Variants in MKKS observed in about 807,000 individuals in gnomAD.
MKKS encodes the protein MKKS centrosomal shuttling protein.
MKKS carries 29 observed loss-of-function variants against 33.2 expected under a neutral mutation model. The observed-to-expected ratio is 0.87, with a 90% confidence interval of 0.65 to 1.19. The LOEUF (loss-of-function observed/expected upper bound fraction) is 1.19. Among genes scored for constraint, MKKS ranks in the 50% most tolerant of loss-of-function variants. The pLI, the probability that MKKS is intolerant of heterozygous loss-of-function variation, is 0.00. For missense variants in MKKS, 661 were observed against 662.3 expected (o/e 1.00, Z 0.02); for synonymous variants, 260 against 244.0 (o/e 1.07, Z -0.61).
chr20:10,412,681 G>C lies in MKKS; in HGVS notation c.834C>G (p.Asn278Lys), dbSNP rs575896442. Residue 278 changes from asparagine to lysine, a missense_variant, in exon 3 of 6, where the codon AAC (asparagine) becomes AAG (lysine). Transcript: ENST00000347364. ...LENAVLDQLL[N>K]LGRQLISDHV... Reference sequence around the variant, plus strand: ...GGTCACTGATTAGCTGCCTTCCTAGGTTAAGCAGCTGGTCCAAGACTGCAT... The same window carrying C: ...GGTCACTGATTAGCTGCCTTCCTAGCTTAAGCAGCTGGTCCAAGACTGCAT... 6.2e-6 allele frequency: 10 copies of C among 1,614,152 alleles called. No individual in the cohort carries two copies. Among genetic ancestry groups the C allele is most frequent in the Non-Finnish European group, 1.7e-6 (2 of 1,180,026 alleles).
chr20:10,423,699 A>C (rs536021607), intron 1 of MKKS, among the ~76,000 whole-genome samples: 1 of 152,332 alleles, frequency 6.6e-6, no homozygotes, highest in African/African-American at 2.4e-5. Flanking sequence ...AAGATAAAAG[A>C]AATGCTCAAT....
chr20:10,431,527 A>AAAACC (rs60563851), intron 1 of MKKS, among the ~76,000 whole-genome samples: 17,432 of 150,764 alleles, frequency 0.12, 1,291 homozygotes, highest in African/African-American at 0.2. Flanking sequence ...ATAGGGTCAA[A>AAAACC]AAACCAAACC....
intron 3 of MKKS, among the ~76,000 whole-genome samples, chr20:10,410,649 A>G (rs1381390648): frequency 1.3e-5 from 2 of 151,444 alleles, no homozygotes; most frequent in African/African-American, 2.4e-5. Context: ...AAACCTCTGT[A>G]AGCTGCAATA....
intron 1 of MKKS, among the ~76,000 whole-genome samples, chr20:10,422,385 G>A (rs890481443): frequency 1.3e-5 from 2 of 152,094 alleles, no homozygotes. Flanking sequence ...TTTTTAGAGG[G>A]AATCAATTAC....
At chr20:10,421,503 G>GTTCTATATT (rs1432490758) in intron 1 of MKKS, among the ~76,000 whole-genome samples, 1 of 151,938 alleles carries the variant, frequency 6.6e-6, no homozygotes, top group Non-Finnish European at 1.5e-5. Context: ...AAGAATTTAG[G>GTTCTATATT]TTCTATATTC....
In MKKS at chr20:10,404,456, G is replaced by A. The variant is rs1285458579; in HGVS notation, c.*791C>T. On this transcript the variant is annotated 3_prime_UTR_variant, in exon 6 of 6. Coordinates refer to ENST00000347364, the MANE Select transcript of MKKS (RefSeq NM_170784.3). ...AGAGGCCAGGGATGCTGCTCAGTAA[G>A]CTGTAATGCACAGGGCAGCCTCCGT... 2 of 151,594 alleles carry A rather than the reference G, an allele frequency of 1.3e-5. No homozygotes were observed. Among genetic ancestry groups the A allele is most frequent in the Non-Finnish European group, 2.9e-5 (2 of 67,914 alleles). 9.4% of individuals were successfully genotyped at this position (151,594 alleles called of 1,614,324 possible). A position where few individuals can be genotyped will look rare whatever the true frequency, so the allele number is the denominator to read the frequency against.
At chr20:10,423,969 CAT>C (rs1000521130) in intron 1 of MKKS, among the ~76,000 whole-genome samples, 2 of 150,714 alleles carry the variant, frequency 1.3e-5, no homozygotes, top group South Asian at 2.1e-4. Context: ...CTCCATATCT[CAT>C]ATATTGATTT....
chr20:10,432,867 T>G (rs573029035), intron 1 of MKKS, among the ~76,000 whole-genome samples: 2 of 148,490 alleles, frequency 1.3e-5, no homozygotes, highest in East Asian at 3.9e-4. Flanking sequence ...CCTTAAATAA[T>G]CTCTAGGCTA....
chr20:10,430,810 T>G lies in MKKS; in HGVS notation c.-649+3298A>C, dbSNP rs149282993. ...AGACGGTGAAAAATTTCATGTATGT[T>G]TCTCTAATAACAGTTAATAGAGCAG... On this transcript the variant is annotated intron_variant, in intron 1 of 5. Transcript: ENST00000347364. 1.3e-4 allele frequency among the ~76,000 whole-genome samples: 20 copies of G among 152,354 alleles called. No homozygotes were observed. In the South Asian group the frequency reaches 1.4e-3, roughly 11 times the overall value.
At chr20:10,412,484 T>C in intron 3 of MKKS, 46 bp downstream of exon 3, 2 of 1,593,456 alleles carry the variant, frequency 1.3e-6, no homozygotes, top group South Asian at 1.1e-5. Context: ...CTCAAAAAAG[T>C]GTGATTTATT....
intron 2 of MKKS, among the ~76,000 whole-genome samples, chr20:10,417,057 G>T (rs1455673370): frequency 6.6e-6 from 1 of 152,048 alleles, no homozygotes; most frequent in African/African-American, 2.4e-5. Context: ...AAGATCACCT[G>T]GCCAACATGG....
At chr20:10,432,283 C>T (rs1205180893) in intron 1 of MKKS, among the ~76,000 whole-genome samples, 3 of 152,234 alleles carry the variant, frequency 2.0e-5, no homozygotes, top group East Asian at 1.9e-4. Flanking sequence ...CCCAATCCTG[C>T]TTCCTTTCTT....
At chr20:10,408,898 C>T in intron 3 of MKKS, 95 bp from the exon 4 acceptor site, 3 of 894,550 alleles carry the variant, frequency 3.4e-6, no homozygotes, top group African/African-American at 1.7e-5. Flanking sequence ...ACATAAAAGC[C>T]CCACAAGCAT....
At position 10,413,546 on chromosome 20, in the gene MKKS, T is replaced by C. The variant is rs1186971091; in HGVS notation, c.-32A>G. The C allele has an allele frequency of 6.2e-7, 1 of 1,612,704 alleles. No homozygotes were observed. The highest frequency in any genetic ancestry group is 1.1e-5 in the South Asian group (1 of 91,024). ...TCAGGTGGTAACTAGTGAAGACCGT[T>C]TTTATTTTGTAAACCACATTTTTCT... On this transcript the variant is annotated 5_prime_UTR_variant, in exon 3 of 6. Coordinates refer to ENST00000347364, the MANE Select transcript of MKKS (RefSeq NM_170784.3).
chr20:10,426,852 G>A (rs566484109), intron 1 of MKKS, among the ~76,000 whole-genome samples: 17 of 152,250 alleles, frequency 1.1e-4, no homozygotes, highest in South Asian at 2.1e-4. Context: ...AAACACATCC[G>A]TGACCTACTA....
In MKKS at chr20:10,401,676, T is replaced by C. The variant is rs144725237; in HGVS notation, c.*3571A>G. ...AACTGCTCAACAATATGAACAACAA[T>C]ATGAAAATACATAGTACAATGGCTG... On this transcript the variant is annotated 3_prime_UTR_variant, in exon 6 of 6. Coordinates refer to ENST00000347364, the MANE Select transcript of MKKS (RefSeq NM_170784.3). 7.0e-4 allele frequency: 107 copies of C among 152,306 alleles called. No individual in the cohort carries two copies. The highest frequency in any genetic ancestry group is 2.2e-3 in the African/African-American group (93 of 41,572). 9.4% of individuals were successfully genotyped at this position (152,306 alleles called of 1,614,324 possible). A position where few individuals can be genotyped will look rare whatever the true frequency, so the allele number is the denominator to read the frequency against.
In MKKS at chr20:10,420,756, T is replaced by A. The variant is rs140610666; in HGVS notation, c.-646A>T. On this transcript the variant is annotated splice_region_variant and 5_prime_UTR_variant, in exon 2 of 6. Transcript: ENST00000347364. ...GGCTCATAGTACTTCAGCATCAGTG[T>A]ACCTAAGAAAAGGTTACAGTTAGAG... is the stretch of plus-strand genomic sequence containing the variant. The A allele has an allele frequency of 3.3e-5, 5 of 152,342 alleles. No individual in the cohort carries two copies. Among genetic ancestry groups the A allele is most frequent in the Non-Finnish European group, 7.3e-5 (5 of 68,034 alleles). 9.4% of individuals were successfully genotyped at this position (152,342 alleles called of 1,614,324 possible). A position where few individuals can be genotyped will look rare whatever the true frequency, so the allele number is the denominator to read the frequency against.
rs536847366 is a variant in MKKS, at chr20:10,415,906, C to T, written c.-417-1975G>A. ...CTGAAAGTGGTAGTGACTCCCAAAT[C>T]ATTTTAAAGATGCCAAAACTTGTTG... is the stretch of plus-strand genomic sequence containing the variant. On this transcript the variant is annotated intron_variant, in intron 2 of 5. Transcript: ENST00000347364. Among the ~76,000 whole-genome samples the T allele has an allele frequency of 1.6e-3, 242 of 151,836 alleles. 1 individual carries two copies. The highest frequency in any genetic ancestry group is 0.014 in the Middle Eastern group (4 of 294).
At position 10,407,646 on chromosome 20, in the gene MKKS, T is replaced by G. The variant is rs2064852342; in HGVS notation, c.1242A>C (p.Glu414Asp). Residue 414 changes from glutamate (E) to aspartate (D), a missense_variant, in exon 5 of 6, where the codon GAA (glutamate) becomes GAC (aspartate). Coordinates refer to ENST00000347364, the MANE Select transcript of MKKS (RefSeq NM_170784.3). ...GTCTGATATATGCAGCCAAATGAGT[T>G]TCAGTACAGCCACCTCCCAACAAAG... is the stretch of plus-strand genomic sequence containing the variant. The part of the protein sequence containing the change: ...PWALLGGGCT[E>D]THLAAYIRHK... 1 of 1,614,020 alleles carries G rather than the reference T, an allele frequency of 6.2e-7. No homozygotes were observed. Among genetic ancestry groups the G allele is most frequent in the African/African-American group, 1.3e-5 (1 of 75,036 alleles).
Sources: allele counts gnomAD v4.1 joint callset (sites outside exome capture counted in the v4.1 genomes callset), GRCh38; gene constraint gnomAD v4.1.1; transcripts MANE v1.5; gene names NCBI Gene and HGNC (gene_info 2026-07-23, HGNC 2026-07-21).